RBP3: variants seen among roughly 807,000 people sequenced by gnomAD.
RBP3 encodes the protein retinol-binding protein 3.
Under a neutral mutation model 64.8 loss-of-function variants are expected in RBP3, and 50 were observed. The ratio of observed to expected loss-of-function variants is 0.77; its 90% CI spans 0.61 to 0.98. The LOEUF is 0.98. RBP3 is among the 50% of genes least tolerant of loss of function. The pLI, the probability that RBP3 is intolerant of heterozygous loss-of-function variation, is 0.00. For synonymous variants in RBP3, 828 were observed against 730.2 expected, an observed-to-expected ratio of 1.13 and a Z score of -2.16; for missense variants, 1,712 against 1,660.5, an observed-to-expected ratio of 1.03 and a Z score of -0.54.
chr10:47,351,358 G>A lies in RBP3; in HGVS notation c.2874G>A (p.Gly958=), dbSNP rs200155880. ...ATAACTATGCCTCTGCCGAGCTGGG[G>A]GCCAAGATGGCCACCAAACTGAGCG... is the stretch of plus-strand genomic sequence containing the variant. ...VADNYASAEL[G]AKMATKLSGL... is the part of the protein sequence containing the mutation. Residue 958 remains glycine, a synonymous_variant, in exon 1 of 4, where the codon GGG becomes GGA. Transcript: ENST00000584701. 24 of 1,613,566 alleles carry A rather than the reference G, an allele frequency of 1.5e-5. No individual in the cohort carries two copies. Among genetic ancestry groups the A allele is most frequent in the Admixed American group, 1.2e-4 (7 of 60,034 alleles).
chr10:47,348,672 G>A lies in RBP3; in HGVS notation c.188G>A (p.Ser63Asn), dbSNP rs369433836. Residue 63 changes from serine (S) to asparagine (N), a missense_variant, in exon 1 of 4, where the codon AGC becomes AAC. Physicochemically the swap from Ser to Asn is conservative, Grantham distance 46. Transcript: ENST00000584701. ...GCCATCAAGAGCCATGAGATTCTGA[G>A]CATCTCAGACCCGCAGACGCTGGCC... Reference protein sequence around the residue: ...QQAIKSHEILSISDPQTLASV... With the variant: ...QQAIKSHEILNISDPQTLASV... The A allele has an allele frequency of 1.2e-6, 2 of 1,613,596 alleles. No homozygotes were observed. The highest frequency in any genetic ancestry group is 1.3e-5 in the African/African-American group (1 of 75,048).
In RBP3 at chr10:47,349,189, C is replaced by A. The variant is rs1465594455; in HGVS notation, c.705C>A (p.Thr235=). 7 of 1,613,578 alleles carry A rather than the reference C, an allele frequency of 4.3e-6. No homozygotes were observed. In the African/African-American group the frequency reaches 9.3e-5, roughly 22 times the overall value. Reference sequence around the variant, plus strand: ...TGGTGGTCCTCACCAGCAGCCAGACCAGGGGCGTGGCCGAGGACATCGCGC... The same window carrying A: ...TGGTGGTCCTCACCAGCAGCCAGACAAGGGGCGTGGCCGAGGACATCGCGC... The part of the protein sequence containing the change: ...KDVVVLTSSQ[T]RGVAEDIAHI... The change falls in exon 1 of 4, where the codon ACC becomes ACA. Residue 235 remains threonine, a synonymous_variant. Coordinates refer to ENST00000584701, the MANE Select transcript of RBP3 (RefSeq NM_002900.3).
At chr10:47,355,325 G>A in intron 2 of RBP3, 51 bp from the exon 3 acceptor site, 1 of 1,611,296 alleles carries the variant, frequency 6.2e-7, no homozygotes, top group East Asian at 2.2e-5. Context: ...GGGCACACAG[G>A]GCCTCACTGT....
Position 47,351,216 on chromosome 10 carries a change from G to C in RBP3, c.2732G>C (p.Gly911Ala), listed in dbSNP as rs1467623422. 2 of 1,613,328 alleles carry C rather than the reference G, an allele frequency of 1.2e-6. No individual in the cohort carries two copies. The highest frequency in any genetic ancestry group is 2.2e-5 in the East Asian group (1 of 44,890). The change falls in exon 1 of 4, where the codon GGT becomes GCT. Residue 911 changes from glycine (G) to alanine (A), a missense_variant. Coordinates refer to ENST00000584701, the MANE Select transcript of RBP3 (RefSeq NM_002900.3). ...ATTGKAWDLA[G>A]VEPDITVPMS... ...ACAGGCAAGGCCTGGGACCTGGCTG[G>C]TGTGGAGCCCGACATCACTGTGCCC...
chr10:47,353,585 C>A lies in RBP3; in HGVS notation c.3245+70C>A, dbSNP rs937416188. 1.0e-5 allele frequency: 16 copies of A among 1,565,696 alleles called. No individual in the cohort carries two copies. In the African/African-American group the frequency reaches 1.8e-4, roughly 17 times the overall value. ...GCCAGGGGACAGTCAAAGCTATGGG[C>A]CACAGCAGGGAAGAAAAGGAACCCT... On this transcript the variant is annotated intron_variant, in intron 2 of 3. Transcript: ENST00000584701.
rs200168559 is a variant in RBP3, at chr10:47,350,547, C to T, written c.2063C>T (p.Ala688Val). The T allele has an allele frequency of 2.3e-4, 377 of 1,612,920 alleles. 1 individual carries two copies. Among genetic ancestry groups the T allele is most frequent in the Non-Finnish European group, 3.1e-4 (360 of 1,180,026 alleles). The part of the protein sequence containing the change: ...DLESLASQLT[A>V]DLQEVSGDHR... The stretch of plus-strand genomic sequence containing the variant: ...GAGTCTCTGGCCTCTCAGCTCACAG[C>T]AGACCTCCAGGAGGTGTCTGGGGAC... The change falls in exon 1 of 4, where the codon GCA becomes GTA. Residue 688 changes from alanine to valine, a missense_variant. Transcript: ENST00000584701.
rs1555210940 is a variant in RBP3, at chr10:47,349,021, C to A, written c.537C>A (p.Gly179=). 1 of 1,614,042 alleles carries A rather than the reference C, an allele frequency of 6.2e-7. No homozygotes were observed. Among genetic ancestry groups the A allele is most frequent in the Non-Finnish European group, 8.5e-7 (1 of 1,180,032 alleles). The change falls in exon 1 of 4, where the codon GGC becomes GGA. Residue 179 remains glycine, a synonymous_variant. Coordinates refer to ENST00000584701, the MANE Select transcript of RBP3 (RefSeq NM_002900.3). The part of the protein sequence containing the change: ...LRHCTGGQVS[G]IPYIISYLHP... ...ACTGCACAGGAGGCCAGGTCTCTGG[C>A]ATTCCCTACATCATCTCCTACCTGC... is the stretch of plus-strand genomic sequence containing the variant.
chr10:47,351,283 G>C lies in RBP3; in HGVS notation c.2799G>C (p.Leu933=), dbSNP rs377431208. 1.9e-5 allele frequency: 31 copies of C among 1,613,370 alleles called. 1 individual carries two copies. Among genetic ancestry groups the C allele is most frequent in the African/African-American group, 1.7e-4 (13 of 74,960 alleles). Residue 933 remains leucine, a synonymous_variant, in exon 1 of 4, where the codon CTG becomes CTC. Coordinates refer to ENST00000584701, the MANE Select transcript of RBP3 (RefSeq NM_002900.3). ...ALSIAQDIVA[L]RAKVPTVLQT... is the part of the protein sequence containing the mutation. ...CCATAGCCCAGGACATAGTGGCTCT[G>C]CGTGCCAAGGTGCCCACGGTGCTGC... is the stretch of plus-strand genomic sequence containing the variant.
rs1555211398 is a variant in RBP3 at position 47,350,529 on chromosome 10, T to C, written c.2045T>C (p.Leu682Pro). 1 of 1,612,956 alleles carries C rather than the reference T, an allele frequency of 6.2e-7. No homozygotes were observed. The highest frequency in any genetic ancestry group is 2.2e-5 in the East Asian group (1 of 44,886). ...CGCACAGCTGTGGACTTGGAGTCTC[T>C]GGCCTCTCAGCTCACAGCAGACCTC... is the stretch of plus-strand genomic sequence containing the variant. ...AYRTAVDLES[L>P]ASQLTADLQE... The change falls in exon 1 of 4, where the codon CTG (leucine) becomes CCG (proline). Residue 682 changes from leucine (L) to proline (P), a missense_variant. Transcript: ENST00000584701.
At chr10:47,351,653 C>A in intron 1 of RBP3, 115 bp downstream of exon 1, 2 of 1,346,358 alleles carry the variant, frequency 1.5e-6, no homozygotes, top group Non-Finnish European at 2.1e-6. Context: ...TTTGTTCTCA[C>A]GTTTAAGTTT....
intron 1 of RBP3, among the ~76,000 whole-genome samples, chr10:47,352,854 G>C (rs1555211731): frequency 6.6e-6 from 1 of 152,188 alleles, no homozygotes. Flanking sequence ...TAATCTCTCT[G>C]TGCTTCAGTT....
At chr10:47,356,374 C>T (rs1464062642) in intron 3 of RBP3, among the ~76,000 whole-genome samples, 4 of 152,106 alleles carry the variant, frequency 2.6e-5, no homozygotes, top group Non-Finnish European at 5.9e-5. Context: ...GGCCCCAAAA[C>T]CGCAAGGTCC....
In RBP3 at chr10:47,348,563, C is replaced by A; in HGVS notation, c.79C>A (p.Leu27Met). 1.2e-6 allele frequency: 2 copies of A among 1,612,974 alleles called. No homozygotes were observed. The highest frequency in any genetic ancestry group is 1.7e-5 in the Admixed American group (1 of 60,028). Residue 27 changes from leucine to methionine, a missense_variant, in exon 1 of 4, where the codon CTG becomes ATG. Transcript: ENST00000584701. The part of the protein sequence containing the change: ...AGPTHLFQPS[L>M]VLDMAKVLLD... ...CCCCACACACCTGTTCCAGCCAAGC[C>A]TGGTGCTGGACATGGCCAAGGTCCT...
intron 2 of RBP3, 45 bp downstream of exon 2, chr10:47,353,560 G>T (rs782260946): frequency 1.2e-6 from 2 of 1,604,442 alleles, no homozygotes; most frequent in Non-Finnish European, 1.7e-6. Flanking sequence ...ACGCAGGGCT[G>T]CCAGGGGACA....
intron 1 of RBP3, among the ~76,000 whole-genome samples, chr10:47,352,394 G>A (rs1252155271): frequency 6.6e-6 from 1 of 152,260 alleles, no homozygotes; most frequent in Non-Finnish European, 1.5e-5. Flanking sequence ...CTGAGCTACG[G>A]GTGGAAAGGC....
chr10:47,351,325 G>T lies in RBP3; in HGVS notation c.2841G>T (p.Leu947=). 6.2e-7 allele frequency: 1 copy of T among 1,613,544 alleles called. No individual in the cohort carries two copies. Among genetic ancestry groups the T allele is most frequent in the Non-Finnish European group, 8.5e-7 (1 of 1,180,040 alleles). The change falls in exon 1 of 4, where the codon CTG becomes CTT. Residue 947 remains leucine, a synonymous_variant. Coordinates refer to ENST00000584701, the MANE Select transcript of RBP3 (RefSeq NM_002900.3). The stretch of plus-strand genomic sequence containing the variant: ...CGGTGCTGCAGACGGCCGGGAAGCT[G>T]GTGGCTGATAACTATGCCTCTGCCG... ...VPTVLQTAGK[L]VADNYASAEL...
Position 47,350,266 on chromosome 10 carries a change from G to C in RBP3, c.1782G>C (p.Pro594=), listed in dbSNP as rs147386314. The change falls in exon 1 of 4, where the codon CCG becomes CCC. Residue 594 remains proline, a synonymous_variant. Transcript: ENST00000584701. Reference sequence around the variant, plus strand: ...AAGGCAGCCTCGCGCTCACCGTGCCGGTCCTCACCTTCATCGACAATCACG... The same window carrying C: ...AAGGCAGCCTCGCGCTCACCGTGCCCGTCCTCACCTTCATCGACAATCACG... The part of the protein sequence containing the change: ...TPEGSLALTV[P]VLTFIDNHGE... The C allele has an allele frequency of 2.5e-6, 4 of 1,607,558 alleles. 1 individual carries two copies. The highest frequency in any genetic ancestry group is 2.2e-5 in the South Asian group (2 of 91,084).
intron 3 of RBP3, 121 bp downstream of exon 3, chr10:47,355,639 C>A: frequency 8.0e-7 from 1 of 1,253,058 alleles, no homozygotes; most frequent in Non-Finnish European, 1.1e-6. Flanking sequence ...TGTCCTAGTC[C>A]AGGCACTAGA....
Position 47,353,448 on chromosome 10 carries a change from T to A in RBP3, c.3178T>A (p.Ser1060Thr), listed in dbSNP as rs782044099. The A allele has an allele frequency of 6.2e-7, 1 of 1,614,176 alleles. No homozygotes were observed. Among genetic ancestry groups the A allele is most frequent in the Admixed American group, 1.7e-5 (1 of 60,028 alleles). Residue 1060 changes from serine to threonine, a missense_variant, in exon 2 of 4, where the codon TCC (serine) becomes ACC (threonine). Coordinates refer to ENST00000584701, the MANE Select transcript of RBP3 (RefSeq NM_002900.3). ...FGDGELLTQV[S>T]RLLVEHIWKK... is the part of the protein sequence containing the mutation. ...GGACGGTGAGCTGCTCACCCAGGTCTCCAGGCTGCTGGTGGAGCACATCTG... is the reference window on the plus strand; with the variant it reads ...GGACGGTGAGCTGCTCACCCAGGTCACCAGGCTGCTGGTGGAGCACATCTG...
Sources: gnomAD v4.1 joint callset for allele counts (sites outside exome capture counted in the v4.1 genomes callset) on GRCh38, gnomAD v4.1.1 for gene constraint, MANE v1.5 for transcripts, NCBI Gene and HGNC (gene_info 2026-07-23, HGNC 2026-07-21) for gene names.